Variants in CCDC3 observed in about 807,000 individuals in gnomAD.
The protein encoded by CCDC3 is coiled-coil domain-containing protein 3.
In CCDC3, 24 loss-of-function variants were observed where a neutral mutation model predicts 21.4. The ratio of observed to expected loss-of-function variants is 1.12; its 90% CI spans 0.81 to 1.58. The LOEUF (loss-of-function observed/expected upper bound fraction) is 1.58, where lower values mean the gene tolerates loss of function less well. CCDC3 is among the 40% of genes most tolerant of loss of function. The pLI, the probability that CCDC3 is intolerant of heterozygous loss-of-function variation, is 0.00. For synonymous variants in CCDC3, 186 were observed against 166.0 expected (o/e 1.12, Z -0.93); for missense variants, 425 against 360.9 (o/e 1.18, Z -1.44).
In CCDC3 at chr10:13,001,316, C is replaced by T. The variant is rs958225737; in HGVS notation, c.255G>A (p.Gln85=). ...YSAEVEMLCD[Q]AWGSMLEVPA... ...GCACCTCCAGCATGCTGCCCCACGC[C>T]TGGTCGCACAGCATCTCGACCTCGG... is the stretch of plus-strand genomic sequence containing the variant. Residue 85 remains glutamine, a synonymous_variant, in exon 1 of 3, where the codon CAG becomes CAA. Coordinates refer to ENST00000378825, the MANE Select transcript of CCDC3 (RefSeq NM_031455.4). 2 of 1,606,338 alleles carry T rather than the reference C, an allele frequency of 1.2e-6. No individual in the cohort carries two copies. Among genetic ancestry groups the T allele is most frequent in the African/African-American group, 2.7e-5 (2 of 74,892 alleles).
chr10:13,085,173 C>T (rs990657040), intron 3 of CCDC3, among the ~76,000 whole-genome samples: 1 of 152,186 alleles, frequency 6.6e-6, no homozygotes, highest in Non-Finnish European at 1.5e-5. Context: ...GATCAAGGCA[C>T]TGGAGTCTGC....
intron 2 of CCDC3, among the ~76,000 whole-genome samples, chr10:12,902,757 G>A (rs1056105370): frequency 6.6e-6 from 1 of 152,188 alleles, no homozygotes; most frequent in Non-Finnish European, 1.5e-5. Context: ...ACTCTTCACA[G>A]TTAGCCCTCG....
At chr10:12,959,553 A>G (rs560236849) in intron 2 of CCDC3, among the ~76,000 whole-genome samples, 8 of 152,286 alleles carry the variant, frequency 5.3e-5, no homozygotes, top group African/African-American at 1.9e-4. Context: ...CTAATTACCC[A>G]AATACTCCTC....
intron 5 of CCDC3, among the ~76,000 whole-genome samples, chr10:13,023,634 A>G (rs1836176074): frequency 6.6e-6 from 1 of 152,156 alleles, no homozygotes; most frequent in African/African-American, 2.4e-5. Flanking sequence ...AAAGCTCTGA[A>G]TCCCAGGAAA....
At chr10:12,947,197 G>C (rs942688791) in intron 2 of CCDC3, among the ~76,000 whole-genome samples, 1 of 151,846 alleles carries the variant, frequency 6.6e-6, no homozygotes, top group African/African-American at 2.4e-5. Context: ...GCCCAGGCTG[G>C]AGTGCAGTGG....
intron 2 of CCDC3, among the ~76,000 whole-genome samples, chr10:12,921,459 T>G (rs1220396603): frequency 6.6e-6 from 1 of 152,214 alleles, no homozygotes; most frequent in Non-Finnish European, 1.5e-5. Flanking sequence ...TCTGATGAAC[T>G]TGAACCTGGA....
chr10:13,018,674 T>C (rs1490971045), intron 5 of CCDC3, among the ~76,000 whole-genome samples: 2 of 152,094 alleles, frequency 1.3e-5, no homozygotes, highest in Non-Finnish European at 2.9e-5. Flanking sequence ...CTCATGCCTG[T>C]AATCCCAGCA....
At chr10:12,953,399 C>T (rs1045043192) in intron 2 of CCDC3, among the ~76,000 whole-genome samples, 2 of 152,214 alleles carry the variant, frequency 1.3e-5, no homozygotes, top group Admixed American at 6.5e-5. Context: ...TCCCGCTCCA[C>T]TAGCTCATGT....
intron 2 of CCDC3, among the ~76,000 whole-genome samples, chr10:12,974,081 A>G (rs1234106763): frequency 2.0e-5 from 3 of 152,236 alleles, no homozygotes; most frequent in Middle Eastern, 3.2e-3. Context: ...GAAAGGTCAA[A>G]GGTCACAGTC....
intron 2 of CCDC3, among the ~76,000 whole-genome samples, chr10:12,966,832 A>G (rs1835269176): frequency 6.6e-6 from 1 of 152,250 alleles, no homozygotes; most frequent in Non-Finnish European, 1.5e-5. Flanking sequence ...AGGTTTAACC[A>G]TACCTTACTT....
intron 5 of CCDC3, among the ~76,000 whole-genome samples, chr10:13,034,501 G>T (rs1166240301): frequency 3.1e-5 from 4 of 131,034 alleles, no homozygotes; most frequent in Non-Finnish European, 4.8e-5. Context: ...TTTTAAAAAA[G>T]AATTCCCCCA....
intron 4 of CCDC3, among the ~76,000 whole-genome samples, chr10:13,063,358 A>G (rs1381321516): frequency 3.1e-5 from 4 of 129,448 alleles, no homozygotes. Flanking sequence ...ATTTTTATGT[A>G]TGTATCAATA....
intron 3 of CCDC3, among the ~76,000 whole-genome samples, chr10:13,074,842 G>C (rs1311195025): frequency 6.6e-6 from 1 of 152,074 alleles, no homozygotes; most frequent in Non-Finnish European, 1.5e-5. Flanking sequence ...CCATTTTATT[G>C]TCTATTTCTT....
At chr10:13,052,938 TCACACACACACACA>T (rs56261341) in intron 4 of CCDC3, among the ~76,000 whole-genome samples, 1,688 of 134,428 alleles carry the variant, frequency 0.013, 38 homozygotes, top group East Asian at 0.039. Context: ...TGAGACTCTG[TCACACACACACACA>T]CACACACACA....
intron 3 of CCDC3, among the ~76,000 whole-genome samples, chr10:13,075,886 TA>T (rs1280324020): frequency 6.6e-6 from 1 of 151,892 alleles, no homozygotes; most frequent in Non-Finnish European, 1.5e-5. Flanking sequence ...CTGTCTCTAC[TA>T]AAAAAATAAA....
At chr10:13,032,716 A>C (rs973627128) in intron 5 of CCDC3, among the ~76,000 whole-genome samples, 2 of 152,216 alleles carry the variant, frequency 1.3e-5, no homozygotes, top group Admixed American at 1.3e-4. Flanking sequence ...CAGAGAGCCA[A>C]ATCATGAGTC....
At chr10:13,080,912 C>T (rs1837031376) in intron 3 of CCDC3, among the ~76,000 whole-genome samples, 1 of 152,228 alleles carries the variant, frequency 6.6e-6, no homozygotes, top group South Asian at 2.1e-4. Flanking sequence ...CCCCTCATCC[C>T]CAAGGCCGAA....
At chr10:13,095,125 G>A (rs564785184) in intron 3 of CCDC3, among the ~76,000 whole-genome samples, 1 of 104,514 alleles carries the variant, frequency 9.6e-6, no homozygotes, top group East Asian at 2.7e-4. Context: ...ACACGCACCT[G>A]TTTGAGTCTC....
At chr10:13,004,604 C>T (rs1464193528), upstream of CCDC3, among the ~76,000 whole-genome samples, 1 of 127,756 alleles carries the variant, frequency 7.8e-6, no homozygotes, top group African/African-American at 2.9e-5. Context: ...ATGGAATCAA[C>T]CTGCCACCAG....
Sources: gnomAD v4.1 joint callset for allele counts (sites outside exome capture counted in the v4.1 genomes callset) on GRCh38, gnomAD v4.1.1 for gene constraint, MANE v1.5 for transcripts, NCBI Gene and HGNC (gene_info 2026-07-23, HGNC 2026-07-21) for gene names.